C1QTNF3: variants seen among roughly 807,000 people sequenced by gnomAD.
C1QTNF3 encodes the protein complement C1q tumor necrosis factor-related protein 3.
C1QTNF3 carries 26 observed loss-of-function variants against 32.6 expected under a neutral mutation model. That is an observed-to-expected ratio of 0.80 (90% CI 0.58 to 1.11). C1QTNF3 has a LOEUF of 1.11. C1QTNF3 is among the 50% of genes least tolerant of loss of function. The pLI is 0.00. For missense variants in C1QTNF3, 362 were observed against 398.2 expected (o/e 0.91, Z 0.77); for synonymous variants, 155 against 146.0 (o/e 1.06, Z -0.44).
upstream of C1QTNF3, among the ~76,000 whole-genome samples, chr5:34,046,582 C>A (rs116460067): frequency 5.2e-3 from 794 of 152,330 alleles, 4 homozygotes; most frequent in Non-Finnish European, 8.9e-3. Flanking sequence ...AGATGATTCT[C>A]TCACAACCCT....
chr5:34,127,588 CTT>C, the C1QTNF3 span, among the ~76,000 whole-genome samples: 10 of 141,194 alleles, frequency 7.1e-5, no homozygotes, highest in East Asian at 2.1e-4. Flanking sequence ...TTTTCTTTTC[CTT>C]TTTTTTTTTT....
rs1754256619 is a variant in C1QTNF3 at position 34,018,822 on chromosome 5, T to C, written c.*1761A>G. ...AAACTCAAGTGCTTCGTTTGCAGAG[T>C]TGTTTTAAGATTTAGAATTTGCGGC... On this transcript the variant is annotated 3_prime_UTR_variant, in exon 6 of 6. Coordinates refer to ENST00000382065, the MANE Select transcript of C1QTNF3 (RefSeq NM_181435.6). 6.6e-6 allele frequency among the ~76,000 whole-genome samples: 1 copy of C among 152,170 alleles called. No homozygotes were observed. The highest frequency in any genetic ancestry group is 1.5e-5 in the Non-Finnish European group (1 of 68,038).
At chr5:34,109,912 T>C in the C1QTNF3 span, among the ~76,000 whole-genome samples, 1 of 152,288 alleles carries the variant, frequency 6.6e-6, no homozygotes, top group African/African-American at 2.4e-5. Context: ...CACGGTATAG[T>C]GGCTAGGTTC....
upstream of C1QTNF3, among the ~76,000 whole-genome samples, chr5:34,044,378 G>A (rs890269610): frequency 3.3e-5 from 5 of 152,150 alleles, no homozygotes; most frequent in Admixed American, 6.5e-5. Flanking sequence ...ACCCAGGACC[G>A]TAAATAGCAT....
the C1QTNF3 span, among the ~76,000 whole-genome samples, chr5:34,115,883 ACT>A: frequency 6.6e-6 from 1 of 151,898 alleles, no homozygotes; most frequent in Non-Finnish European, 1.5e-5. Context: ...TGAATTCTAA[ACT>A]CTCTGCAGTA....
the C1QTNF3 span, among the ~76,000 whole-genome samples, chr5:34,108,523 T>C: frequency 6.6e-6 from 1 of 152,236 alleles, no homozygotes; most frequent in South Asian, 2.1e-4. Context: ...TCACAATATT[T>C]TTTAAAAGTA....
chr5:34,174,822 C>G, the C1QTNF3 span, among the ~76,000 whole-genome samples: 2 of 152,122 alleles, frequency 1.3e-5, no homozygotes, highest in African/African-American at 4.8e-5. Flanking sequence ...TCACTGCAAG[C>G]TCCAACTCCT....
chr5:34,172,470 T>G, the C1QTNF3 span, among the ~76,000 whole-genome samples: 1 of 151,722 alleles, frequency 6.6e-6, no homozygotes, highest in Admixed American at 6.6e-5. Flanking sequence ...AAACATGCTT[T>G]CTTTATTCTG....
At chr5:34,024,045 C>T (rs1373736407) in intron 4 of C1QTNF3, 37 bp from the exon 5 acceptor site, 19 of 1,527,546 alleles carry the variant, frequency 1.2e-5, no homozygotes, top group Admixed American at 1.7e-5. Flanking sequence ...TTGATATTAA[C>T]ATGTTATACA....
the C1QTNF3 span, among the ~76,000 whole-genome samples, chr5:34,052,748 T>C: frequency 6.6e-6 from 1 of 152,318 alleles, no homozygotes; most frequent in East Asian, 1.9e-4. Flanking sequence ...AGCTCAGGGA[T>C]TGGAGAAGGG....
At chr5:34,186,469 G>A in the C1QTNF3 span, among the ~76,000 whole-genome samples, 1 of 150,946 alleles carries the variant, frequency 6.6e-6, no homozygotes. Flanking sequence ...ATTAAAAACT[G>A]AGACCACTTT....
At chr5:34,074,360 C>T in the C1QTNF3 span, among the ~76,000 whole-genome samples, 5 of 151,580 alleles carry the variant, frequency 3.3e-5, no homozygotes, top group South Asian at 2.1e-4. Context: ...AAAAACAAGG[C>T]CACTTCATAT....
the C1QTNF3 span, among the ~76,000 whole-genome samples, chr5:34,063,132 C>T: frequency 0.082 from 12,469 of 152,040 alleles, 1,646 homozygotes; most frequent in African/African-American, 0.27. Context: ...AGAAGACCTC[C>T]AATTACCAAT....
intron 5 of C1QTNF3, among the ~76,000 whole-genome samples, chr5:34,023,334 A>T (rs1754388087): frequency 6.6e-6 from 1 of 152,162 alleles, no homozygotes; most frequent in Non-Finnish European, 1.5e-5. Flanking sequence ...GAGTAACTGG[A>T]TCTCTTACTT....
chr5:34,196,190 AGGCT>A, the C1QTNF3 span, among the ~76,000 whole-genome samples: 1 of 152,428 alleles, frequency 6.6e-6, no homozygotes, highest in African/African-American at 2.4e-5. Flanking sequence ...TCTGTCATCC[AGGCT>A]GGAGTACAGT....
At chr5:34,212,907 A>G in the C1QTNF3 span, among the ~76,000 whole-genome samples, 3 of 151,792 alleles carry the variant, frequency 2.0e-5, no homozygotes, top group Non-Finnish European at 4.4e-5. Context: ...ATTACTGGGT[A>G]TATACCCAAA....
rs1754544262 is a variant in C1QTNF3 at position 34,028,916 on chromosome 5, A to C, written c.571-33T>G. 6.9e-6 allele frequency: 11 copies of C among 1,591,018 alleles called. No individual in the cohort carries two copies. In the East Asian group the frequency reaches 2.5e-4, roughly 36 times the overall value. On this transcript the variant is annotated intron_variant, in intron 3 of 5. Transcript: ENST00000382065. ...AAGAATTATTGGTCAATAAATAGGC[A>C]ATTTATCTTAAAGAAGTCAAGTTTT...
At chr5:34,235,557 T>C in the C1QTNF3 span, among the ~76,000 whole-genome samples, 2 of 149,558 alleles carry the variant, frequency 1.3e-5, no homozygotes, top group African/African-American at 2.4e-5. Flanking sequence ...TTTTTTTTTT[T>C]TTTTTTTTGC....
chr5:34,024,047 T>TG, intron 4 of C1QTNF3, 39 bp from the exon 5 acceptor site: 1 of 1,522,932 alleles, frequency 6.6e-7, no homozygotes, highest in Non-Finnish European at 9.1e-7. Context: ...GATATTAACA[T>TG]GTTATACATT....
Sources: allele counts gnomAD v4.1 joint callset (sites outside exome capture counted in the v4.1 genomes callset), GRCh38; gene constraint gnomAD v4.1.1; transcripts MANE v1.5; gene names NCBI Gene and HGNC (gene_info 2026-07-23, HGNC 2026-07-21).